PRICKLE4: variants seen among roughly 807,000 people sequenced by gnomAD.
PRICKLE4 encodes the protein prickle-like protein 4.
PRICKLE4 carries 40 observed loss-of-function variants against 43.5 expected under a neutral mutation model. The observed-to-expected ratio is 0.92, with a 90% confidence interval of 0.71 to 1.20. The LOEUF is 1.20. PRICKLE4 is among the 50% of genes most tolerant of loss of function. PRICKLE4 has a pLI of 0.00. For missense variants in PRICKLE4, 527 were observed against 491.2 expected (o/e 1.07, Z -0.69); for synonymous variants, 208 against 197.4 (o/e 1.05, Z -0.45).
rs1561897293 is a variant in PRICKLE4 at position 41,787,061 on chromosome 6, T to C, written c.1087T>C (p.Trp363Arg). ...CTTAGGCGAGCGCCTTCCCCAGTCC[T>C]GGAAGACCCCCGGAAGCCTCCAAGC... ...FFLGERLPQS[W>R]KTPGSLQAED... The change falls in exon 8 of 8, where the codon TGG becomes CGG. Residue 363 changes from tryptophan to arginine, a missense_variant. Trp to Arg is a moderately radical substitution (Grantham distance 101). Transcript: ENST00000458694. The C allele has an allele frequency of 2.5e-6, 4 of 1,613,584 alleles. No homozygotes were observed. The South Asian group carries it at 3.3e-5, about 13-fold the overall frequency.
chr6:41,785,051 T>C lies in PRICKLE4; in HGVS notation c.357T>C (p.Leu119=). ...TAGCCCGCCTGGTACTTCCCAAGCT[T>C]GAAGGACACACCTGTGAGAAGGTAT... The part of the protein sequence containing the change: ...QGVARLVLPK[L]EGHTCEKCRE... Residue 119 remains leucine (L), a synonymous_variant, in exon 5 of 8, where the codon CTT becomes CTC. Coordinates refer to ENST00000458694, the MANE Select transcript of PRICKLE4 (RefSeq NM_013397.6). 2 of 1,613,556 alleles carry C rather than the reference T, an allele frequency of 1.2e-6. No individual in the cohort carries two copies. Among genetic ancestry groups the C allele is most frequent in the African/African-American group, 1.3e-5 (1 of 74,980 alleles).
At chr6:41,782,767 A>C (rs1264183397) in intron 2 of PRICKLE4, among the ~76,000 whole-genome samples, 2 of 152,202 alleles carry the variant, frequency 1.3e-5, no homozygotes, top group Admixed American at 1.3e-4. Flanking sequence ...AGATGAACTT[A>C]GATTATCCAA....
intron 2 of PRICKLE4, among the ~76,000 whole-genome samples, chr6:41,782,102 C>G (rs575855999): frequency 1.4e-5 from 2 of 138,072 alleles, no homozygotes; most frequent in South Asian, 5.3e-4. Context: ...GAGTCTCACT[C>G]TGTTGCCCAG....
intron 2 of PRICKLE4, 44 bp from the exon 3 acceptor site, chr6:41,783,418 G>T: frequency 2.1e-6 from 3 of 1,436,640 alleles, no homozygotes; most frequent in East Asian, 4.6e-5. Flanking sequence ...CTAGCACATT[G>T]TAACGGCCTA....
chr6:41,783,649 T>C (rs2127305811), intron 3 of PRICKLE4, 44 bp downstream of exon 3: 1 of 1,613,918 alleles, frequency 6.2e-7, no homozygotes, highest in Middle Eastern at 1.7e-4. Context: ...ATGTCCTCTA[T>C]CCTGTGGAGT....
rs1561897208 is a variant in PRICKLE4 at position 41,786,917 on chromosome 6, G to T, written c.943G>T (p.Asp315Tyr). 6.2e-7 allele frequency: 1 copy of T among 1,613,638 alleles called. No homozygotes were observed. The change falls in exon 8 of 8, where the codon GAC becomes TAC. Residue 315 changes from aspartate to tyrosine, a missense_variant. By Grantham distance (160) the Asp-to-Tyr change is radical. Coordinates refer to ENST00000458694, the MANE Select transcript of PRICKLE4 (RefSeq NM_013397.6). ...TCCCCAGCAGGAGAACCGACCTGGG[G>T]ACAAAGCGGAGGCACCCAAAGGGCA... ...SSPQQENRPG[D>Y]KAEAPKGQEQ...
chr6:41,786,784 T>C lies in PRICKLE4; in HGVS notation c.810T>C (p.Thr270=). The C allele has an allele frequency of 6.2e-7, 1 of 1,612,188 alleles. No individual in the cohort carries two copies. The highest frequency in any genetic ancestry group is 8.5e-7 in the Non-Finnish European group (1 of 1,179,324). Residue 270 remains threonine, a synonymous_variant, in exon 8 of 8, where the codon ACT becomes ACC. Transcript: ENST00000458694. ...CAGGGGAGACTGGACTCGACCGAAC[T>C]GAAGGAAGGGACCAAACCTCGGTGA... The part of the protein sequence containing the change: ...AFLGETGLDR[T]EGRDQTSVNS...
At chr6:41,786,006 G>A (rs1772637393) in intron 6 of PRICKLE4, 122 bp from the exon 7 acceptor site, 1 of 1,100,254 alleles carries the variant, frequency 9.1e-7, no homozygotes, top group East Asian at 2.6e-5. Flanking sequence ...GTGGCTGAGT[G>A]AATTAAATGG....
In PRICKLE4 at chr6:41,785,019, CAG is replaced by C. The variant is rs1491212687; in HGVS notation, c.326_327del (p.Gln109ArgfsTer11). The C allele has an allele frequency of 1.7e-5, 27 of 1,613,650 alleles. No homozygotes were observed. Among genetic ancestry groups the C allele is most frequent in the South Asian group, 2.2e-5 (2 of 91,020 alleles). On this transcript the variant is annotated frameshift_variant, in exon 5 of 8. Transcript: ENST00000458694. LOFTEE classifies it high-confidence loss of function. ...CARRKQEALG[Q>X]GVARLVLPKL... Reference sequence around the variant, plus strand: ...CAGGCGGAAGCAGGAAGCCCTGGGACAGGGGGTAGCCCGCCTGGTACTTCCCA... The same window carrying C: ...CAGGCGGAAGCAGGAAGCCCTGGGACGGGGTAGCCCGCCTGGTACTTCCCA...
At chr6:41,786,631 TCGG>T (rs753892282) in intron 7 of PRICKLE4, 128 bp from the exon 8 acceptor site, 130 of 1,420,456 alleles carry the variant, frequency 9.2e-5, no homozygotes, top group African/African-American at 1.5e-4. Flanking sequence ...GCGAGGACTC[TCGG>T]CGGCGGCGGC....
chr6:41,785,358 GGGGAGTAC>G lies in PRICKLE4; in HGVS notation c.403_410del (p.Glu135SerfsTer35). 4 of 1,614,030 alleles carry G rather than the reference GGGGAGTAC, an allele frequency of 2.5e-6. No homozygotes were observed. The highest frequency in any genetic ancestry group is 2.5e-6 in the Non-Finnish European group (3 of 1,180,008). On this transcript the variant is annotated frameshift_variant, in exon 6 of 8. Transcript: ENST00000458694. LOFTEE classifies it high-confidence loss of function. Reference sequence around the variant, plus strand: ...ACAGTGTAGGGAGCTGCTGAAGCCAGGGGAGTACGGAGTGTTTGCAGCCCGGGCAGGGG... The same window carrying G: ...ACAGTGTAGGGAGCTGCTGAAGCCAGGGAGTGTTTGCAGCCCGGGCAGGGG...
Position 41,785,382 on chromosome 6 carries a change from C to T in PRICKLE4, c.424C>T (p.Arg142Trp), listed in dbSNP as rs976454009. ...AGGGGAGTACGGAGTGTTTGCAGCC[C>T]GGGCAGGGGAACAGCGCTGCTGGCA... ...KPGEYGVFAARAGEQRCWHQP... is the reference protein window; with the variant it reads ...KPGEYGVFAAWAGEQRCWHQP... Residue 142 changes from arginine to tryptophan, a missense_variant, in exon 6 of 8, where the codon CGG (arginine) becomes TGG (tryptophan). By Grantham distance (101) the Arg-to-Trp change is moderately radical. Transcript: ENST00000458694. 7 of 1,613,942 alleles carry T rather than the reference C, an allele frequency of 4.3e-6. No homozygotes were observed. The highest frequency in any genetic ancestry group is 3.3e-5 in the South Asian group (3 of 91,084).
rs138234358 is a variant in PRICKLE4, at chr6:41,786,145, C to G, written c.600C>G (p.Arg200=). The G allele has an allele frequency of 7.2e-5, 116 of 1,613,794 alleles. 1 individual carries two copies. In the African/African-American group the frequency reaches 1.5e-3, roughly 20 times the overall value. Residue 200 remains arginine, a synonymous_variant, in exon 7 of 8, where the codon CGC becomes CGG. Transcript: ENST00000458694. The part of the protein sequence containing the change: ...PACDQLIFSW[R]CTEAEGQRWH... Reference sequence around the variant, plus strand: ...TCTCCCAGCTGATCTTCTCCTGGCGCTGCACCGAGGCGGAGGGACAGCGCT... The same window carrying G: ...TCTCCCAGCTGATCTTCTCCTGGCGGTGCACCGAGGCGGAGGGACAGCGCT...
chr6:41,786,724 G>C (rs527424759), intron 7 of PRICKLE4, 38 bp from the exon 8 acceptor site: 22 of 1,612,098 alleles, frequency 1.4e-5, no homozygotes, highest in Non-Finnish European at 1.8e-5. Flanking sequence ...CCAGCTCCGC[G>C]GCTCTGAGAC....
intron 5 of PRICKLE4, 69 bp downstream of exon 5, chr6:41,785,141 C>T: frequency 6.3e-7 from 1 of 1,584,972 alleles, no homozygotes; most frequent in South Asian, 1.2e-5. Context: ...GCAGAAGGGG[C>T]TGGGCTAGCT....
At chr6:41,783,681 C>T (rs569496121) in intron 3 of PRICKLE4, 76 bp downstream of exon 3, 107 of 1,605,958 alleles carry the variant, frequency 6.7e-5, no homozygotes, top group South Asian at 2.6e-4. Flanking sequence ...TCCACCAACC[C>T]GGAGGTAGTT....
chr6:41,781,943 C>A (rs571511571), intron 2 of PRICKLE4, among the ~76,000 whole-genome samples: 42 of 152,264 alleles, frequency 2.8e-4, no homozygotes, highest in African/African-American at 9.6e-4. Context: ...TTATTTTTTT[C>A]TCCAGGGTTT....
At chr6:41,784,299 T>C in intron 4 of PRICKLE4, 61 bp downstream of exon 4, 3 of 1,335,596 alleles carry the variant, frequency 2.2e-6, no homozygotes, top group Non-Finnish European at 3.1e-6. Flanking sequence ...CTTTTCTTAC[T>C]GTGGGAAGAA....
rs145017799 is a variant in PRICKLE4 at position 41,786,082 on chromosome 6, G to A, written c.583-46G>A. 4.5e-4 allele frequency: 705 copies of A among 1,560,394 alleles called. 4 individuals are homozygous for A. In the African/African-American group the frequency reaches 8.3e-3, roughly 18 times the overall value. ...GCGTGGTTACTGGATGAATGAATGA[G>A]GGAATGAATGAATGAAACGTTCCCC... is the stretch of plus-strand genomic sequence containing the variant. On this transcript the variant is annotated intron_variant, in intron 6 of 7. Transcript: ENST00000458694.
Sources: allele counts gnomAD v4.1 joint callset (sites outside exome capture counted in the v4.1 genomes callset), GRCh38; gene constraint gnomAD v4.1.1; transcripts MANE v1.5; gene names NCBI Gene and HGNC (gene_info 2026-07-23, HGNC 2026-07-21).